Variants in SETBP1 observed in about 807,000 individuals in gnomAD.
SETBP1 encodes the protein SET binding protein 1, also known as SET-binding protein.
SETBP1 carries 9 observed loss-of-function variants against 101.0 expected under a neutral mutation model. That is an observed-to-expected ratio of 0.09 (90% CI 0.05 to 0.16). The LOEUF is 0.16. SETBP1 is among the 10% of genes least tolerant of loss of function. SETBP1 has a pLI of 1.00. For missense variants in SETBP1, 1,858 were observed against 2,033.8 expected (o/e 0.91, Z 1.66); for synonymous variants, 818 against 788.5 (o/e 1.04, Z -0.63).
intron 3 of SETBP1, among the ~76,000 whole-genome samples, chr18:44,900,164 G>A (rs556060544): frequency 6.6e-6 from 1 of 152,302 alleles, no homozygotes; most frequent in Admixed American, 6.5e-5. Context: ...TGTGATCTTA[G>A]GACAACAGCA....
At chr18:44,848,110 A>C (rs1033484922) in intron 2 of SETBP1, among the ~76,000 whole-genome samples, 1 of 151,462 alleles carries the variant, frequency 6.6e-6, no homozygotes, top group African/African-American at 2.4e-5. Flanking sequence ...TGTGTAACCT[A>C]TGTAAATCAC....
chr18:44,753,364 G>C (rs1209248005), intron 2 of SETBP1, among the ~76,000 whole-genome samples: 1 of 152,196 alleles, frequency 6.6e-6, no homozygotes, highest in Non-Finnish European at 1.5e-5. Flanking sequence ...TCATCCATGG[G>C]AAACATCATT....
intron 2 of SETBP1, among the ~76,000 whole-genome samples, chr18:44,760,641 CA>C (rs764372154): frequency 9.3e-4 from 141 of 152,286 alleles, no homozygotes; most frequent in Non-Finnish European, 1.2e-3. Flanking sequence ...GACAGAAGCA[CA>C]AAATCAAATT....
At chr18:44,907,479 A>G (rs1409703062) in intron 3 of SETBP1, among the ~76,000 whole-genome samples, 1 of 152,170 alleles carries the variant, frequency 6.6e-6, no homozygotes, top group Admixed American at 6.5e-5. Flanking sequence ...GTAATAATAT[A>G]TGAGGATTCA....
Position 45,067,001 on chromosome 18 carries a change from T to G in SETBP1, c.*3303T>G, listed in dbSNP as rs1284170257. 6.6e-6 allele frequency: 1 copy of G among 152,104 alleles called. No homozygotes were observed. Among genetic ancestry groups the G allele is most frequent in the Non-Finnish European group, 1.5e-5 (1 of 68,026 alleles). The allele number at this position is 152,104 out of a possible 1,614,324, so 9.4% of individuals were successfully genotyped here. ...GTTTAACTTCCTCAAATAGCCCAGC[T>G]CTGGCTAAAACCCAAAGAAGAAAGG... is the stretch of plus-strand genomic sequence containing the variant. On this transcript the variant is annotated 3_prime_UTR_variant, in exon 6 of 6. Coordinates refer to ENST00000649279, the MANE Select transcript of SETBP1 (RefSeq NM_015559.3).
At chr18:44,869,320 GT>G in intron 3 of SETBP1, 37 bp downstream of exon 3, 1 of 1,596,502 alleles carries the variant, frequency 6.3e-7, no homozygotes, top group Non-Finnish European at 8.6e-7. Flanking sequence ...GTTTGGAAGA[GT>G]AAAATGATCC....
chr18:44,928,896 T>G (rs2070762057), intron 3 of SETBP1, among the ~76,000 whole-genome samples: 1 of 152,244 alleles, frequency 6.6e-6, no homozygotes, highest in Non-Finnish European at 1.5e-5. Context: ...TTCACTCTGA[T>G]GGTAGTTTCT....
At chr18:44,939,678 A>G (rs985644831) in intron 3 of SETBP1, among the ~76,000 whole-genome samples, 1 of 152,218 alleles carries the variant, frequency 6.6e-6, no homozygotes, top group Non-Finnish European at 1.5e-5. Flanking sequence ...CCAACAACGT[A>G]TGATAGTGTC....
intron 1 of SETBP1, among the ~76,000 whole-genome samples, chr18:44,681,833 T>A (rs1225552184): frequency 6.6e-6 from 1 of 152,140 alleles, no homozygotes. Flanking sequence ...ATCTCACGGT[T>A]GACATCTAAC....
intron 2 of SETBP1, among the ~76,000 whole-genome samples, chr18:44,826,553 T>C (rs1308448953): frequency 6.6e-6 from 1 of 152,028 alleles, no homozygotes; most frequent in Non-Finnish European, 1.5e-5. Context: ...TTATCAATCA[T>C]GAGCTGCTAA....
intron 3 of SETBP1, among the ~76,000 whole-genome samples, chr18:44,885,720 C>A (rs766576399): frequency 2.6e-4 from 40 of 151,624 alleles, no homozygotes; most frequent in Non-Finnish European, 4.6e-4. Flanking sequence ...CACTGACAAC[C>A]TGAGTGCAGG....
At chr18:44,779,295 A>G (rs1339786099) in intron 2 of SETBP1, among the ~76,000 whole-genome samples, 1 of 152,178 alleles carries the variant, frequency 6.6e-6, no homozygotes, top group Non-Finnish European at 1.5e-5. Context: ...TGGTGCGGGT[A>G]TTGGAAGGCT....
chr18:45,064,896 T>C lies in SETBP1; in HGVS notation c.*1198T>C, dbSNP rs1026732986. 6.6e-6 allele frequency: 1 copy of C among 151,984 alleles called. No homozygotes were observed. Among genetic ancestry groups the C allele is most frequent in the Non-Finnish European group, 1.5e-5 (1 of 68,010 alleles). The allele number at this position is 151,984 out of a possible 1,614,324, so 9.4% of individuals were successfully genotyped here. A position where few individuals can be genotyped will look rare whatever the true frequency, so the allele number is the denominator to read the frequency against. On this transcript the variant is annotated 3_prime_UTR_variant, in exon 6 of 6. Coordinates refer to ENST00000649279, the MANE Select transcript of SETBP1 (RefSeq NM_015559.3). The stretch of plus-strand genomic sequence containing the variant: ...TCTTAAAAGCAAATGGGAGTAAGTG[T>C]TCTTATCTGGAAAAATAAATAAATA...
At chr18:44,790,228 A>T (rs1217754769) in intron 2 of SETBP1, among the ~76,000 whole-genome samples, 1 of 152,130 alleles carries the variant, frequency 6.6e-6, no homozygotes, top group Non-Finnish European at 1.5e-5. Context: ...AAAATAACAC[A>T]ACAACAATTA....
At chr18:44,974,344 G>C (rs2071937952) in intron 4 of SETBP1, among the ~76,000 whole-genome samples, 1 of 152,170 alleles carries the variant, frequency 6.6e-6, no homozygotes, top group South Asian at 2.1e-4. Context: ...ATCCAGGCGA[G>C]AGATTCCGAA....
chr18:44,861,455 A>G (rs2069010420), intron 2 of SETBP1, among the ~76,000 whole-genome samples: 1 of 151,376 alleles, frequency 6.6e-6, no homozygotes, highest in Non-Finnish European at 1.5e-5. Flanking sequence ...GATGGTCTCA[A>G]TCTCCTGACC....
chr18:44,821,134 C>G (rs2072105967), intron 2 of SETBP1, among the ~76,000 whole-genome samples: 1 of 152,184 alleles, frequency 6.6e-6, no homozygotes. Flanking sequence ...CCAGACCTCT[C>G]TTGCTGAGTG....
At chr18:44,851,994 C>A (rs147875719) in intron 2 of SETBP1, among the ~76,000 whole-genome samples, 1 of 152,192 alleles carries the variant, frequency 6.6e-6, no homozygotes, top group Non-Finnish European at 1.5e-5. Context: ...CAGGTGCAGG[C>A]GGTTCTAGGA....
At position 44,687,498 on chromosome 18, in the gene SETBP1, G is replaced by A. The variant is rs1248931212; in HGVS notation, c.-173+6477G>A. ...GGGGGGAGCACTTATTAGAACAGTG[G>A]AGTCAGTCTTGGAGGACAGGGAAGG... is the stretch of plus-strand genomic sequence containing the variant. On this transcript the variant is annotated intron_variant, in intron 1 of 5. Coordinates refer to ENST00000649279, the MANE Select transcript of SETBP1 (RefSeq NM_015559.3). Among the ~76,000 whole-genome samples, 3 of 152,286 alleles carry A rather than the reference G, an allele frequency of 2.0e-5. No homozygotes were observed. The East Asian group carries it at 5.8e-4, about 29-fold the overall frequency.
Sources: allele counts gnomAD v4.1 joint callset (sites outside exome capture counted in the v4.1 genomes callset), GRCh38; gene constraint gnomAD v4.1.1; transcripts MANE v1.5; gene names NCBI Gene and HGNC (gene_info 2026-07-23, HGNC 2026-07-21).